Variants in TLE4 observed in about 807,000 individuals in gnomAD.
The protein encoded by TLE4 is TLE family member 4, transcriptional corepressor, also known as transducin-like enhancer protein 4.
In TLE4, 8 loss-of-function variants were observed where a neutral mutation model predicts 92.8. The observed-to-expected ratio is 0.09, with a 90% CI of 0.05 to 0.16. TLE4 has a LOEUF of 0.16. Ranked by LOEUF, TLE4 falls within the 10% of genes least tolerant of loss-of-function variation. The pLI is 1.00. For synonymous variants in TLE4, 371 were observed against 374.1 expected, an observed-to-expected ratio of 0.99 and a Z score of 0.10; for missense variants, 675 against 997.6, an observed-to-expected ratio of 0.68 and a Z score of 4.36.
chr9:79,616,997 A>G (rs186463275), intron 5 of TLE4, among the ~76,000 whole-genome samples: 3 of 152,326 alleles, frequency 2.0e-5, no homozygotes, highest in East Asian at 3.9e-4. Context: ...CAGACTTGGC[A>G]TAGGGAGTGC....
At chr9:79,645,119 C>A (rs1471066680) in intron 6 of TLE4, among the ~76,000 whole-genome samples, 1 of 152,132 alleles carries the variant, frequency 6.6e-6, no homozygotes, top group Non-Finnish European at 1.5e-5. Flanking sequence ...TCAAGTTTTG[C>A]CAGTGGGGAT....
intron 12 of TLE4, 89 bp from the exon 13 acceptor site, chr9:79,708,504 C>T (rs2072319783): frequency 7.7e-7 from 1 of 1,292,582 alleles, no homozygotes; most frequent in Non-Finnish European, 1.1e-6. Flanking sequence ...TCATTTGAAC[C>T]ATAGATTCTA....
intron 4 of TLE4, among the ~76,000 whole-genome samples, chr9:79,592,337 G>A (rs1472232671): frequency 3.4e-5 from 5 of 146,754 alleles, no homozygotes; most frequent in Non-Finnish European, 6.0e-5. Flanking sequence ...GTGCAGTGGC[G>A]TGATCATGGC....
At chr9:79,695,844 T>A (rs1169921754) in intron 8 of TLE4, among the ~76,000 whole-genome samples, 1 of 152,168 alleles carries the variant, frequency 6.6e-6, no homozygotes, top group Non-Finnish European at 1.5e-5. Flanking sequence ...TTGGCAGAAG[T>A]CTGCACAGAG....
In TLE4 at chr9:79,709,689, G is replaced by A; in HGVS notation, c.1330G>A (p.Gly444Arg). Reference sequence around the variant, plus strand: ...ACCTCCAAACCTGACAGGCATTCCAGGAGGAAAACCGTGAGTACCTTTTTG... The same window carrying A: ...ACCTCCAAACCTGACAGGCATTCCAAGAGGAAAACCGTGAGTACCTTTTTG... Reference protein sequence around the residue: ...AIPPNLTGIPGGKPAYSFHVS... With the variant: ...AIPPNLTGIPRGKPAYSFHVS... The change falls in exon 14 of 20, where the codon GGA becomes AGA. Residue 444 changes from glycine (G) to arginine (R), a missense_variant. Gly to Arg is a moderately radical substitution (Grantham distance 125, BLOSUM62 -2). This residue lies in a region of TLE4 where 119 missense variants were observed against 175.9 expected (regional missense o/e 0.68). Transcript: ENST00000376552. 1 of 1,614,054 alleles carries A rather than the reference G, an allele frequency of 6.2e-7. No individual in the cohort carries two copies. The highest frequency in any genetic ancestry group is 8.5e-7 in the Non-Finnish European group (1 of 1,179,986).
At chr9:79,681,996 G>C (rs186468721) in intron 8 of TLE4, among the ~76,000 whole-genome samples, 257 of 152,068 alleles carry the variant, frequency 1.7e-3, no homozygotes, top group African/African-American at 5.9e-3. Flanking sequence ...TACCTCACTG[G>C]TGTCTCATGT....
chr9:79,625,491 T>G (rs2052373723), intron 5 of TLE4, among the ~76,000 whole-genome samples: 1 of 152,174 alleles, frequency 6.6e-6, no homozygotes, highest in East Asian at 1.9e-4. Flanking sequence ...CCTTCCGGTG[T>G]CTACACTAAC....
intron 8 of TLE4, 151 bp from the exon 9 acceptor site, chr9:79,704,632 T>G: frequency 1.0e-6 from 1 of 983,730 alleles, no homozygotes. Context: ...TTTCTTCCTT[T>G]CGTCTCCTCC....
intron 14 of TLE4, among the ~76,000 whole-genome samples, chr9:79,713,881 T>TGA (rs2073933643): frequency 6.7e-6 from 1 of 149,342 alleles, no homozygotes; most frequent in Admixed American, 6.7e-5. Context: ...TGTTGTTGTT[T>TGA]GAGAGAGAGT....
chr9:79,636,725 A>C (rs1356959151), intron 6 of TLE4, among the ~76,000 whole-genome samples: 1 of 152,148 alleles, frequency 6.6e-6, no homozygotes, highest in Non-Finnish European at 1.5e-5. Flanking sequence ...CATTGCACTT[A>C]CCATTGATTT....
chr9:79,593,441 GTTTC>G (rs962745055), intron 4 of TLE4, among the ~76,000 whole-genome samples: 5 of 152,054 alleles, frequency 3.3e-5, no homozygotes, highest in Admixed American at 6.6e-5. Flanking sequence ...TGTGGCAAAA[GTTTC>G]TTTCTTGGTG....
chr9:79,640,411 G>T (rs1254442262), intron 6 of TLE4, among the ~76,000 whole-genome samples: 1 of 151,982 alleles, frequency 6.6e-6, no homozygotes, highest in Non-Finnish European at 1.5e-5. Context: ...GTAGGATTAT[G>T]TGTGGCTTTT....
intron 6 of TLE4, among the ~76,000 whole-genome samples, chr9:79,629,074 C>T (rs1247397964): frequency 6.6e-6 from 1 of 152,086 alleles, no homozygotes; most frequent in Non-Finnish European, 1.5e-5. Context: ...GCAGAGTGAT[C>T]CCTGATAGGA....
chr9:79,619,280 A>G (rs2050385254), intron 5 of TLE4, among the ~76,000 whole-genome samples: 1 of 152,128 alleles, frequency 6.6e-6, no homozygotes, highest in African/African-American at 2.4e-5. Context: ...AACCCCTTCT[A>G]CTACATTGTG....
At chr9:79,593,425 A>G (rs62569285) in intron 4 of TLE4, among the ~76,000 whole-genome samples, 2,151 of 152,306 alleles carry the variant, frequency 0.014, 15 homozygotes, top group Non-Finnish European at 0.019. Flanking sequence ...CAAAAGGGTC[A>G]GCACTTGTGG....
rs1179551750 is a variant in TLE4, at chr9:79,718,728, C to T, written c.1347C>T (p.Tyr449=). 6.2e-7 allele frequency: 1 copy of T among 1,612,914 alleles called. No individual in the cohort carries two copies. The highest frequency in any genetic ancestry group is 8.5e-7 in the Non-Finnish European group (1 of 1,178,976). ...TTCCTCTCCATTGCCTTAGAGCATA[C>T]TCCTTCCATGTTAGCGCAGATGGTC... The part of the protein sequence containing the change: ...LTGIPGGKPA[Y]SFHVSADGQM... Residue 449 remains tyrosine, a synonymous_variant, in exon 15 of 20, where the codon TAC becomes TAT. Coordinates refer to ENST00000376552, the MANE Select transcript of TLE4 (RefSeq NM_007005.6).
At position 79,652,696 on chromosome 9, in the gene TLE4, G is replaced by A; in HGVS notation, c.494G>A (p.Ser165Asn). The change falls in exon 7 of 20, where the codon AGC (serine) becomes AAC (asparagine). Residue 165 changes from serine (S) to asparagine (N), a missense_variant. Physicochemically the swap from Ser to Asn is conservative, Grantham distance 46. Transcript: ENST00000376552. ...LQPPAIPPIG[S>N]SAGLLALSSA... ...CCCCCTGCCATTCCACCCATCGGTAGCAGTGCCGGGCTTCTGGCCCTCTCC... is the reference window on the plus strand; with the variant it reads ...CCCCCTGCCATTCCACCCATCGGTAACAGTGCCGGGCTTCTGGCCCTCTCC... 1 of 1,614,168 alleles carries A rather than the reference G, an allele frequency of 6.2e-7. No homozygotes were observed. Among genetic ancestry groups the A allele is most frequent in the Non-Finnish European group, 8.5e-7 (1 of 1,180,030 alleles).
chr9:79,717,972 C>T (rs762787708), intron 14 of TLE4: 9 of 456,420 alleles, frequency 2.0e-5, no homozygotes, highest in Admixed American at 9.4e-5. Flanking sequence ...TTGGGGGAGA[C>T]GCTCTTACTT....
chr9:79,719,800 G>T (rs948472178), intron 15 of TLE4, among the ~76,000 whole-genome samples: 5 of 152,184 alleles, frequency 3.3e-5, no homozygotes, highest in African/African-American at 1.2e-4. Context: ...GTGGGAGTGG[G>T]TCTAGAGCTT....
Sources: allele counts gnomAD v4.1 joint callset (sites outside exome capture counted in the v4.1 genomes callset), GRCh38; gene constraint gnomAD v4.1.1; regional missense constraint gnomAD v4.1.1; transcripts MANE v1.5; gene names NCBI Gene and HGNC (gene_info 2026-07-23, HGNC 2026-07-21).